The following RTP4 variants were observed in gnomAD, a reference collection of about 807,000 sequenced individuals.
RTP4 encodes receptor transporter protein 4.
A neutral mutation model predicts 6.5 loss-of-function variants in RTP4; 5 were observed. The observed-to-expected ratio is 0.77, with a 90% CI of 0.40 to 1.62. The LOEUF (loss-of-function observed/expected upper bound fraction) is 1.62, where lower values mean the gene tolerates loss of function less well. Among genes scored for constraint, RTP4 ranks in the 40% most tolerant of loss-of-function variants. The pLI is 0.02. For missense variants in RTP4, 266 were observed against 288.7 expected, an observed-to-expected ratio of 0.92 and a Z score of 0.57; for synonymous variants, 112 against 114.8, an observed-to-expected ratio of 0.98 and a Z score of 0.15.
rs1459667538 is a variant in RTP4, at chr3:187,371,396, T to G, written c.*23T>G. The stretch of plus-strand genomic sequence containing the variant: ...TGATGAAAATAGGCTTGCCACTTTC[T>G]CTTATTTTAATTCCATGGTAGTCAA... On this transcript the variant is annotated 3_prime_UTR_variant, in exon 2 of 2. Coordinates refer to ENST00000259030, the MANE Select transcript of RTP4 (RefSeq NM_022147.3). 3 of 1,531,966 alleles carry G rather than the reference T, an allele frequency of 2.0e-6. No homozygotes were observed. Among genetic ancestry groups the G allele is most frequent in the Admixed American group, 3.7e-5 (2 of 54,746 alleles). The allele number at this position is 1,531,966 out of a possible 1,614,324, so 94.9% of individuals were successfully genotyped here.
chr3:187,371,638 A>G lies in RTP4; in HGVS notation c.*265A>G, dbSNP rs1367013145. ...TCAGTGATATCAATATACTTAGCTC[A>G]GAAAGTGTGGGAGGCTGAATAATGG... On this transcript the variant is annotated 3_prime_UTR_variant, in exon 2 of 2. Transcript: ENST00000259030. The G allele has an allele frequency of 1.7e-5, 7 of 422,972 alleles. No homozygotes were observed. The highest frequency in any genetic ancestry group is 3.9e-5 in the Admixed American group (1 of 25,896). 26.2% of individuals were successfully genotyped at this position (422,972 alleles called of 1,614,324 possible).
At position 187,371,012 on chromosome 3, in the gene RTP4, A is replaced by C. The variant is rs1711600059; in HGVS notation, c.380A>C (p.Tyr127Ser). 6.2e-7 allele frequency: 1 copy of C among 1,614,088 alleles called. No individual in the cohort carries two copies. The highest frequency in any genetic ancestry group is 1.1e-5 in the South Asian group (1 of 91,078). ...NLVQHILKKYYGNGTRKSPEM... is the reference protein window; with the variant it reads ...NLVQHILKKYSGNGTRKSPEM... ...GTGCAGCATATACTGAAGAAATACT[A>C]TGGAAATGGCACGAGGAAGTCTCCA... The change falls in exon 2 of 2, where the codon TAT becomes TCT. Residue 127 changes from tyrosine to serine, a missense_variant. Transcript: ENST00000259030.
In RTP4 at chr3:187,368,624, T is replaced by C. The variant is rs2108649000; in HGVS notation, c.155+28T>C. On this transcript the variant is annotated intron_variant, in intron 1 of 1. Coordinates refer to ENST00000259030, the MANE Select transcript of RTP4 (RefSeq NM_022147.3). ...GAGTGTGGGTTTCCCAGGCAATAGCTCTTCTGAGAAGAGAGGCTCAGGCTC... is the reference window on the plus strand; with the variant it reads ...GAGTGTGGGTTTCCCAGGCAATAGCCCTTCTGAGAAGAGAGGCTCAGGCTC... 6 of 1,587,984 alleles carry C rather than the reference T, an allele frequency of 3.8e-6. No individual in the cohort carries two copies. The South Asian group carries it at 4.6e-5, about 12-fold the overall frequency.
intron 1 of RTP4, among the ~76,000 whole-genome samples, chr3:187,369,153 A>G (rs1312131700): frequency 6.6e-6 from 1 of 152,106 alleles, no homozygotes. Flanking sequence ...GTCACCAAGT[A>G]ATACTCCTCC....
chr3:187,369,631 A>G (rs1711568995), intron 1 of RTP4, among the ~76,000 whole-genome samples: 1 of 150,822 alleles, frequency 6.6e-6, no homozygotes, highest in Admixed American at 6.6e-5. Flanking sequence ...AATTATATAT[A>G]CATATGTACT....
In RTP4 at chr3:187,371,788, G is replaced by A. The variant is rs879854819; in HGVS notation, c.*415G>A. 8 of 158,880 alleles carry A rather than the reference G, an allele frequency of 5.0e-5. No individual in the cohort carries two copies. The highest frequency in any genetic ancestry group is 4.9e-4 in the Admixed American group (8 of 16,258). 9.8% of individuals were successfully genotyped at this position (158,880 alleles called of 1,614,324 possible). On this transcript the variant is annotated 3_prime_UTR_variant, in exon 2 of 2. Coordinates refer to ENST00000259030, the MANE Select transcript of RTP4 (RefSeq NM_022147.3). ...GGTTAGATTATTTCATATTGTCCGG[G>A]TGGATAAGAACCAGGATTTTGTAAC...
intron 1 of RTP4, among the ~76,000 whole-genome samples, chr3:187,369,630 T>C (rs1054703875): frequency 6.0e-5 from 9 of 150,846 alleles, no homozygotes; most frequent in Non-Finnish European, 8.8e-5. Flanking sequence ...TAATTATATA[T>C]ACATATGTAC....
Position 187,371,417 on chromosome 3 carries a change from G to GCCAGT in RTP4, c.*44_*45insCCAGT. 2.2e-6 allele frequency: 3 copies of GCCAGT among 1,385,212 alleles called. No homozygotes were observed. The highest frequency in any genetic ancestry group is 3.0e-6 in the Non-Finnish European group (3 of 1,014,432). The allele number at this position is 1,385,212 out of a possible 1,614,324, so 85.8% of individuals were successfully genotyped here. The stretch of plus-strand genomic sequence containing the variant: ...TTTCTCTTATTTTAATTCCATGGTA[G>GCCAGT]TCAATGAACTGGCTGCCACTTTAAT... On this transcript the variant is annotated 3_prime_UTR_variant, in exon 2 of 2. Transcript: ENST00000259030.
chr3:187,371,604 C>T lies in RTP4; in HGVS notation c.*231C>T. The stretch of plus-strand genomic sequence containing the variant: ...TAAAAAGTCTTCAATCATTCATTCA[C>T]TAAGTCACTCAGTGATATCAATATA... On this transcript the variant is annotated 3_prime_UTR_variant, in exon 2 of 2. Transcript: ENST00000259030. The T allele has an allele frequency of 2.0e-6, 1 of 512,080 alleles. No homozygotes were observed. The highest frequency in any genetic ancestry group is 3.5e-6 in the Non-Finnish European group (1 of 286,960). The allele number at this position is 512,080 out of a possible 1,614,324, so 31.7% of individuals were successfully genotyped here. A position where few individuals can be genotyped will look rare whatever the true frequency, so the allele number is the denominator to read the frequency against.
chr3:187,368,836 C>A (rs1194632605), intron 1 of RTP4, among the ~76,000 whole-genome samples: 1 of 152,032 alleles, frequency 6.6e-6, no homozygotes, highest in Non-Finnish European at 1.5e-5. Flanking sequence ...TCTGGAAAAC[C>A]CTGGAGAAGG....
Position 187,371,477 on chromosome 3 carries a change from C to A in RTP4, c.*104C>A. ...AATTCATTTTGAGACCAAGCAGGAT[C>A]AAGTTTGTAGAATAAACACTGGTTT... On this transcript the variant is annotated 3_prime_UTR_variant, in exon 2 of 2. Coordinates refer to ENST00000259030, the MANE Select transcript of RTP4 (RefSeq NM_022147.3). 1.2e-6 allele frequency: 1 copy of A among 813,574 alleles called. No individual in the cohort carries two copies. Among genetic ancestry groups the A allele is most frequent in the Non-Finnish European group, 1.9e-6 (1 of 527,582 alleles). The allele number at this position is 813,574 out of a possible 1,614,324, so 50.4% of individuals were successfully genotyped here. A position where few individuals can be genotyped will look rare whatever the true frequency, so the allele number is the denominator to read the frequency against.
Position 187,371,172 on chromosome 3 carries a change from C to A in RTP4, c.540C>A (p.His180Gln), listed in dbSNP as rs866239987. 1 of 1,614,010 alleles carries A rather than the reference C, an allele frequency of 6.2e-7. No homozygotes were observed. The highest frequency in any genetic ancestry group is 8.5e-7 in the Non-Finnish European group (1 of 1,180,056). ...MTKPSKSLLP[H>Q]LKTGNSSPGI... ...AGCCGTCCAAATCCCTACTCCCCCA[C>A]CTAAAGACTGGGAATTCCTCACCTG... The change falls in exon 2 of 2, where the codon CAC becomes CAA. Residue 180 changes from histidine (H) to glutamine (Q), a missense_variant. His to Gln is a conservative substitution (Grantham distance 24). Transcript: ENST00000259030.
chr3:187,369,169 T>C (rs1036576085), intron 1 of RTP4, among the ~76,000 whole-genome samples: 11 of 152,288 alleles, frequency 7.2e-5, no homozygotes, highest in Admixed American at 7.2e-4. Context: ...CCTCCCTTAC[T>C]CACCACTTCC....
At chr3:187,370,319 CCT>C (rs1160186162) in intron 1 of RTP4, among the ~76,000 whole-genome samples, 1 of 152,178 alleles carries the variant, frequency 6.6e-6, no homozygotes, top group Non-Finnish European at 1.5e-5. Flanking sequence ...TAACATTTAC[CCT>C]GTGTGTCCTT....
At chr3:187,370,454 A>G (rs1188286519) in intron 1 of RTP4, among the ~76,000 whole-genome samples, 1 of 152,254 alleles carries the variant, frequency 6.6e-6, no homozygotes, top group Non-Finnish European at 1.5e-5. Flanking sequence ...ATGCATCAAA[A>G]TAGATACTTT....
chr3:187,369,418 C>T lies in RTP4; in HGVS notation c.155+822C>T, dbSNP rs986785470. The stretch of plus-strand genomic sequence containing the variant: ...TGCCATGCATCTTCAGACTTCCACA[C>T]TCTTGTTCATGGAGTTCTGCTTGTT... On this transcript the variant is annotated intron_variant, in intron 1 of 1. Transcript: ENST00000259030. 3.3e-5 allele frequency among the ~76,000 whole-genome samples: 5 copies of T among 152,118 alleles called. No individual in the cohort carries two copies. The South Asian group carries it at 1.0e-3, about 32-fold the overall frequency.
At position 187,371,932 on chromosome 3, in the gene RTP4, C is replaced by A. The variant is rs9843429; in HGVS notation, c.*559C>A. ...AAAAAGTACAGGCAGCCTTTAGAAA[C>A]CCAAAAGGACAAAGGAACAGATTCT... On this transcript the variant is annotated 3_prime_UTR_variant, in exon 2 of 2. Coordinates refer to ENST00000259030, the MANE Select transcript of RTP4 (RefSeq NM_022147.3). 0.22 allele frequency: 33,376 copies of A among 153,476 alleles called. 3,745 individuals carry two copies. Among genetic ancestry groups the A allele is most frequent in the Admixed American group, 0.26 (4,089 of 15,476 alleles). 9.5% of individuals were successfully genotyped at this position (153,476 alleles called of 1,614,324 possible).
chr3:187,369,994 T>C (rs1217238515), intron 1 of RTP4, among the ~76,000 whole-genome samples: 1 of 152,276 alleles, frequency 6.6e-6, no homozygotes, highest in African/African-American at 2.4e-5. Context: ...CCTACCAGTG[T>C]ACTTTTGGAA....
rs778927397 is a variant in RTP4 at position 187,371,386 on chromosome 3, T to A, written c.*13T>A. ...TACATCAGAATGATGAAAATAGGCT[T>A]GCCACTTTCTCTTATTTTAATTCCA... On this transcript the variant is annotated 3_prime_UTR_variant, in exon 2 of 2. Transcript: ENST00000259030. The A allele has an allele frequency of 3.9e-6, 6 of 1,552,036 alleles. No individual in the cohort carries two copies. The South Asian group carries it at 5.7e-5, about 15-fold the overall frequency.
Sources: allele counts gnomAD v4.1 joint callset (sites outside exome capture counted in the v4.1 genomes callset), GRCh38; gene constraint gnomAD v4.1.1; transcripts MANE v1.5; gene names NCBI Gene and HGNC (gene_info 2026-07-23, HGNC 2026-07-21).